The following STPG2 variants were observed in gnomAD, a reference collection of about 807,000 sequenced individuals.
The protein encoded by STPG2 is sperm tail PG-rich repeat containing 2, also known as sperm-tail PG-rich repeat-containing protein 2.
Under a neutral mutation model 54.2 loss-of-function variants are expected in STPG2, and 56 were observed. The ratio of observed to expected loss-of-function variants is 1.03; its 90% confidence interval spans 0.83 to 1.29. The LOEUF (loss-of-function observed/expected upper bound fraction) is 1.29, where lower values mean the gene tolerates loss of function less well. STPG2 is among the 50% of genes most tolerant of loss of function. The probability of loss-of-function intolerance (pLI) is 0.00; values close to 1 mark genes in which losing one functional copy is unlikely to be tolerated. For synonymous variants in STPG2, 200 were observed against 181.8 expected (o/e 1.10, Z -0.81); for missense variants, 596 against 544.9 (o/e 1.09, Z -0.93).
At chr4:97,659,963 C>T (rs1722327188) in intron 10 of STPG2, among the ~76,000 whole-genome samples, 1 of 152,070 alleles carries the variant, frequency 6.6e-6, no homozygotes, top group African/African-American at 2.4e-5. Flanking sequence ...TGGACATGAT[C>T]CTCCTAAAAG....
At chr4:97,962,636 GT>G (rs1376339420) in intron 7 of STPG2, among the ~76,000 whole-genome samples, 2 of 152,138 alleles carry the variant, frequency 1.3e-5, no homozygotes, top group African/African-American at 4.8e-5. Flanking sequence ...AATTTACTGA[GT>G]CCTTACTGTG....
chr4:97,811,495 T>C (rs1460931756), intron 9 of STPG2, among the ~76,000 whole-genome samples: 1 of 152,118 alleles, frequency 6.6e-6, no homozygotes, highest in Admixed American at 6.6e-5. Flanking sequence ...CATAGTTCCA[T>C]TGTCATTTCT....
At chr4:97,838,998 C>G (rs1327169861) in intron 9 of STPG2, among the ~76,000 whole-genome samples, 1 of 151,526 alleles carries the variant, frequency 6.6e-6, no homozygotes, top group Non-Finnish European at 1.5e-5. Flanking sequence ...TTTCATTTCA[C>G]AAGCTGTCTA....
At chr4:97,511,558 A>C (rs1442090694) in intron 4 of STPG2, among the ~76,000 whole-genome samples, 1 of 152,076 alleles carries the variant, frequency 6.6e-6, no homozygotes, top group Non-Finnish European at 1.5e-5. Context: ...ATAAACAGAA[A>C]TAAACAACAA....
At position 98,143,398 on chromosome 4, in the gene STPG2, A is replaced by C. The variant is rs1578192086; in HGVS notation, c.-248T>G. On this transcript the variant is annotated 5_prime_UTR_variant, in exon 1 of 11. Transcript: ENST00000295268. ...AGCGACTAGAGATTAGACGTCCCAC[A>C]CAATCATCAGTTTGCCAGGTGCACG... Among the ~76,000 whole-genome samples, 1 of 152,172 alleles carries C rather than the reference A, an allele frequency of 6.6e-6. No homozygotes were observed. Among genetic ancestry groups the C allele is most frequent in the East Asian group, 1.9e-4 (1 of 5,188 alleles).
At chr4:97,931,458 T>C (rs1000407462) in intron 8 of STPG2, among the ~76,000 whole-genome samples, 1 of 152,214 alleles carries the variant, frequency 6.6e-6, no homozygotes, top group African/African-American at 2.4e-5. Context: ...TTTTTGTCTC[T>C]AGTTTGGCTT....
At chr4:97,497,303 T>C (rs554913610) in intron 4 of STPG2, among the ~76,000 whole-genome samples, 1 of 151,930 alleles carries the variant, frequency 6.6e-6, no homozygotes, top group Non-Finnish European at 1.5e-5. Context: ...TTCACTATAA[T>C]GTGTAAGGGA....
chr4:97,771,065 T>C (rs906877884), intron 9 of STPG2, among the ~76,000 whole-genome samples: 2 of 152,156 alleles, frequency 1.3e-5, no homozygotes, highest in African/African-American at 4.8e-5. Context: ...CAGCTTAAGA[T>C]TTGGTTTTGA....
intron 9 of STPG2, among the ~76,000 whole-genome samples, chr4:97,772,656 T>C: frequency 6.6e-6 from 1 of 152,224 alleles, no homozygotes. Context: ...CATTTAATTT[T>C]ATTTAGACCA....
chr4:97,905,523 C>A (rs894289445), intron 8 of STPG2, among the ~76,000 whole-genome samples: 24 of 151,922 alleles, frequency 1.6e-4, no homozygotes, highest in African/African-American at 5.8e-4. Context: ...TAAAGACCAT[C>A]GAGACTAGGA....
intron 8 of STPG2, among the ~76,000 whole-genome samples, chr4:97,933,950 T>C (rs1416032094): frequency 6.6e-6 from 1 of 152,242 alleles, no homozygotes; most frequent in Non-Finnish European, 1.5e-5. Context: ...TAAATTACTT[T>C]GGGCAGTATG....
At chr4:97,648,292 G>A (rs995342838) in intron 10 of STPG2, among the ~76,000 whole-genome samples, 5 of 152,104 alleles carry the variant, frequency 3.3e-5, no homozygotes, top group East Asian at 1.9e-4. Context: ...TCAGTCGTGG[G>A]CTAGTAATCT....
chr4:97,514,595 A>C (rs1048480716), intron 4 of STPG2, among the ~76,000 whole-genome samples: 1 of 152,190 alleles, frequency 6.6e-6, no homozygotes, highest in Admixed American at 6.6e-5. Context: ...AAGAGTAAAC[A>C]CAACTGAATC....
intron 7 of STPG2, among the ~76,000 whole-genome samples, chr4:97,944,797 AC>A (rs1309716511): frequency 5.3e-5 from 8 of 152,114 alleles, no homozygotes; most frequent in Non-Finnish European, 1.2e-4. Context: ...AACATCCATT[AC>A]CCACCTAATG....
At chr4:98,031,616 C>T (rs552336470) in intron 5 of STPG2, among the ~76,000 whole-genome samples, 18 of 151,976 alleles carry the variant, frequency 1.2e-4, no homozygotes, top group African/African-American at 3.6e-4. Flanking sequence ...AACCGGAAGG[C>T]GGAGGTTGCA....
At position 98,128,524 on chromosome 4, in the gene STPG2, TGACTTTCCACAA is replaced by T; in HGVS notation, c.279_290del (p.Cys94_Ser97del). On this transcript the variant is annotated inframe_deletion, in exon 3 of 11. Coordinates refer to ENST00000295268, the MANE Select transcript of STPG2 (RefSeq NM_174952.3). ...CATCATCATTAATATGATAACCATATGACTTTCCACAAGAAGGAATTGAAGGAACATCAACAC... is the reference window on the plus strand; with the variant it reads ...CATCATCATTAATATGATAACCATATGAAGGAATTGAAGGAACATCAACAC... The T allele has an allele frequency of 6.2e-7, 1 of 1,613,296 alleles. No homozygotes were observed.
intron 10 of STPG2, among the ~76,000 whole-genome samples, chr4:97,560,220 G>A (rs1331874976): frequency 6.6e-6 from 1 of 152,070 alleles, no homozygotes; most frequent in African/African-American, 2.4e-5. Flanking sequence ...TGACATCATC[G>A]GAAAATTACT....
intron 10 of STPG2, among the ~76,000 whole-genome samples, chr4:97,566,224 A>G (rs1052520034): frequency 6.6e-6 from 1 of 152,162 alleles, no homozygotes; most frequent in African/African-American, 2.4e-5. Flanking sequence ...CTCCATGGGC[A>G]TAGGACCCTC....
intron 5 of STPG2, among the ~76,000 whole-genome samples, chr4:98,055,897 T>C (rs996033347): frequency 1.3e-5 from 2 of 152,032 alleles, no homozygotes; most frequent in African/African-American, 2.4e-5. Flanking sequence ...GCCCACACCA[T>C]AGCTTCTGCA....
Sources: allele counts gnomAD v4.1 joint callset (sites outside exome capture counted in the v4.1 genomes callset), GRCh38; gene constraint gnomAD v4.1.1; transcripts MANE v1.5; gene names NCBI Gene and HGNC (gene_info 2026-07-23, HGNC 2026-07-21).